The following TMEM132C variants were observed in gnomAD, a reference collection of about 807,000 sequenced individuals.
TMEM132C encodes protein phosphatase 1, regulatory subunit 152.
In TMEM132C, 29 loss-of-function variants were observed where a neutral mutation model predicts 61.4. The ratio of observed to expected loss-of-function variants is 0.47; its 90% CI spans 0.35 to 0.64. The LOEUF (loss-of-function observed/expected upper bound fraction) is 0.64, where lower values mean the gene tolerates loss of function less well. TMEM132C is among the 30% of genes least tolerant of loss of function. TMEM132C has a pLI of 0.00. For synonymous variants in TMEM132C, 656 were observed against 633.1 expected, an observed-to-expected ratio of 1.04 and a Z score of -0.54; for missense variants, 1,408 against 1,476.9, an observed-to-expected ratio of 0.95 and a Z score of 0.76.
chr12:128,488,124 C>CAA (rs1169814623), intron 2 of TMEM132C, among the ~76,000 whole-genome samples: 11 of 152,140 alleles, frequency 7.2e-5, no homozygotes, highest in Non-Finnish European at 1.5e-4. Flanking sequence ...TCAAAGATGG[C>CAA]TGCATTTACC....
intron 8 of TMEM132C, among the ~76,000 whole-genome samples, chr12:128,703,283 T>A (rs1173399869): frequency 6.6e-6 from 1 of 151,564 alleles, no homozygotes; most frequent in African/African-American, 2.4e-5. Context: ...TTATTCTTGA[T>A]CCTCTCCCTG....
intron 1 of TMEM132C, among the ~76,000 whole-genome samples, chr12:128,377,861 T>G (rs896635978): frequency 9.2e-5 from 14 of 152,290 alleles, no homozygotes; most frequent in Middle Eastern, 3.4e-3. Flanking sequence ...TGAAGAGCAG[T>G]GTGGGCTCCT....
chr12:128,372,207 G>A (rs1874046897), intron 1 of TMEM132C, among the ~76,000 whole-genome samples: 1 of 152,170 alleles, frequency 6.6e-6, no homozygotes, highest in African/African-American at 2.4e-5. Flanking sequence ...CTATGACATT[G>A]AGTCCGTGGA....
intron 3 of TMEM132C, among the ~76,000 whole-genome samples, chr12:128,594,227 G>A (rs977606015): frequency 7.2e-5 from 11 of 152,054 alleles, no homozygotes; most frequent in Admixed American, 2.6e-4. Flanking sequence ...CCAGGGGGGC[G>A]CCACATAAAA....
Position 128,705,374 on chromosome 12 carries a change from C to A in TMEM132C, c.2406C>A (p.Asn802Lys). 1.3e-6 allele frequency: 2 copies of A among 1,551,350 alleles called. No homozygotes were observed. Among genetic ancestry groups the A allele is most frequent in the African/African-American group, 1.4e-5 (1 of 73,170 alleles). ...VGNVRVKFGQ[N>K]DADSSPGGDY... ...ACGTCAGGGTCAAGTTCGGACAGAA[C>A]GATGCTGACTCCAGCCCCGGCGGGG... The change falls in exon 9 of 9, where the codon AAC becomes AAA. Residue 802 changes from asparagine (N) to lysine (K), a missense_variant. By Grantham distance (94) the Asn-to-Lys change is moderately conservative (BLOSUM62 0). Coordinates refer to ENST00000435159, the MANE Select transcript of TMEM132C (RefSeq NM_001136103.3).
At chr12:128,509,362 AC>A (rs1432458977) in intron 2 of TMEM132C, among the ~76,000 whole-genome samples, 1 of 152,188 alleles carries the variant, frequency 6.6e-6, no homozygotes, top group Non-Finnish European at 1.5e-5. Flanking sequence ...GGCAGGGGTC[AC>A]ATTCTTTGGA....
chr12:128,317,306 G>A (rs559256320), intron 1 of TMEM132C, among the ~76,000 whole-genome samples: 1 of 152,216 alleles, frequency 6.6e-6, no homozygotes, highest in South Asian at 2.1e-4. Context: ...AAGAACAGAC[G>A]TTCAGTAAAC....
Position 128,415,435 on chromosome 12 carries a change from G to A in TMEM132C, c.789G>A (p.Thr263=), listed in dbSNP as rs997289387. The change falls in exon 2 of 9, where the codon ACG becomes ACA. Residue 263 remains threonine, a synonymous_variant. Transcript: ENST00000435159. This position sits in a 1 kb window ranked among gnomAD's most constrained non-coding sequence, Gnocchi z 5.8. ...RPGKDGLEET[T]SHLQRIGTVG... The stretch of plus-strand genomic sequence containing the variant: ...GAAAGGATGGGCTGGAGGAAACCAC[G>A]TCCCACCTGCAGAGGATCGGCACCG... The A allele has an allele frequency of 2.8e-5, 43 of 1,551,502 alleles. No individual in the cohort carries two copies. Among genetic ancestry groups the A allele is most frequent in the South Asian group, 3.6e-5 (3 of 84,062 alleles).
chr12:128,445,808 AC>A (rs1869962297), intron 2 of TMEM132C, among the ~76,000 whole-genome samples: 1 of 151,502 alleles, frequency 6.6e-6, no homozygotes, highest in South Asian at 2.1e-4. Flanking sequence ...AAAGCCCCCC[AC>A]CCCTCACCCC....
At chr12:128,324,886 G>T (rs1872455065) in intron 1 of TMEM132C, among the ~76,000 whole-genome samples, 1 of 152,146 alleles carries the variant, frequency 6.6e-6, no homozygotes, top group South Asian at 2.1e-4. Flanking sequence ...TGATCTTCAA[G>T]AACGAGACAT....
At chr12:128,419,544 C>T (rs1868909837) in intron 2 of TMEM132C, among the ~76,000 whole-genome samples, 1 of 150,870 alleles carries the variant, frequency 6.6e-6, no homozygotes, top group Non-Finnish European at 1.5e-5. Flanking sequence ...GCTAGCATAC[C>T]TCTAACATCC....
chr12:128,655,433 T>A (rs573425733), intron 4 of TMEM132C, among the ~76,000 whole-genome samples: 10 of 152,176 alleles, frequency 6.6e-5, no homozygotes, highest in Non-Finnish European at 1.3e-4. Flanking sequence ...GTCAGCTTGT[T>A]AATCAGATGG....
At chr12:128,355,780 A>G (rs970163282) in intron 1 of TMEM132C, among the ~76,000 whole-genome samples, 26 of 152,026 alleles carry the variant, frequency 1.7e-4, no homozygotes, top group Admixed American at 1.2e-3. Flanking sequence ...CCTTGCCTGC[A>G]AAGTGCTCCC....
intron 2 of TMEM132C, among the ~76,000 whole-genome samples, chr12:128,507,994 A>T (rs535084410): frequency 6.6e-6 from 1 of 152,242 alleles, no homozygotes; most frequent in African/African-American, 2.4e-5. Context: ...CTGAATATTA[A>T]CCATGATGTG....
intron 1 of TMEM132C, among the ~76,000 whole-genome samples, chr12:128,340,546 T>C (rs890133190): frequency 2.6e-5 from 4 of 152,194 alleles, no homozygotes; most frequent in African/African-American, 9.6e-5. Flanking sequence ...ATGGCATTAA[T>C]AGATTAGCCT....
chr12:128,290,250 C>T (rs192508193), intron 1 of TMEM132C, among the ~76,000 whole-genome samples: 1 of 152,220 alleles, frequency 6.6e-6, no homozygotes, highest in Admixed American at 6.5e-5. Context: ...CACAGTTCTG[C>T]AGGCTTAATA....
intron 7 of TMEM132C, 131 bp from the exon 8 acceptor site, chr12:128,697,093 T>C (rs760726846): frequency 2.8e-4 from 198 of 705,826 alleles, no homozygotes; most frequent in Non-Finnish European, 3.9e-4. Context: ...TAGAGTGAAG[T>C]AGATATGTAA....
intron 5 of TMEM132C, among the ~76,000 whole-genome samples, chr12:128,674,371 C>G (rs2135634478): frequency 6.6e-6 from 1 of 152,290 alleles, no homozygotes; most frequent in Non-Finnish European, 1.5e-5. Flanking sequence ...GGGTTGTTTC[C>G]ACTTTTCAGA....
At chr12:128,496,129 A>C (rs1318590579) in intron 2 of TMEM132C, among the ~76,000 whole-genome samples, 1 of 152,072 alleles carries the variant, frequency 6.6e-6, no homozygotes, top group Non-Finnish European at 1.5e-5. Context: ...TGGGTTGAAA[A>C]TTCTTTTCTT....
Sources: allele counts gnomAD v4.1 joint callset (sites outside exome capture counted in the v4.1 genomes callset), GRCh38; gene constraint gnomAD v4.1.1; non-coding constraint Gnocchi (gnomAD v3.1); transcripts MANE v1.5; gene names NCBI Gene and HGNC (gene_info 2026-07-23, HGNC 2026-07-21).